Variants in SCML2 observed in about 807,000 individuals in gnomAD.
The protein encoded by SCML2 is sex comb on midleg-like protein 2.
Under a neutral mutation model 48.4 loss-of-function variants are expected in SCML2, and 6 were observed. The observed-to-expected ratio is 0.12, with a 90% CI of 0.07 to 0.24. The LOEUF is 0.24. Ranked by LOEUF, SCML2 falls within the 10% of genes least tolerant of loss-of-function variation. The probability of loss-of-function intolerance (pLI) is 1.00; values close to 1 mark genes in which losing one functional copy is unlikely to be tolerated. For missense variants in SCML2, 377 were observed against 528.2 expected, an observed-to-expected ratio of 0.71 and a Z score of 2.81; for synonymous variants, 181 against 189.5, an observed-to-expected ratio of 0.95 and a Z score of 0.37.
intron 7 of SCML2, among the ~76,000 whole-genome samples, chrX:18,282,952 A>AATT (rs1927918732): frequency 9.0e-6 from 1 of 111,392 alleles, no homozygotes; most frequent in Non-Finnish European, 1.9e-5. Flanking sequence ...CTATGAAGCT[A>AATT]GCATCATTAG....
intron 7 of SCML2, among the ~76,000 whole-genome samples, chrX:18,273,015 A>T (rs927636535): frequency 8.9e-6 from 1 of 111,841 alleles, no homozygotes; most frequent in Middle Eastern, 4.2e-3. Context: ...ATCACCAACA[A>T]CTTCCTAACA....
intron 1 of SCML2, among the ~76,000 whole-genome samples, chrX:18,354,017 C>T (rs1930457456): frequency 8.9e-6 from 1 of 112,458 alleles, no homozygotes; most frequent in Non-Finnish European, 1.9e-5. Context: ...GCATTCCGGT[C>T]CCGCTGCACC....
chrX:18,324,209 G>A, intron 4 of SCML2, 116 bp from the exon 5 acceptor site: 1 of 488,493 alleles, frequency 2.0e-6, no homozygotes. Flanking sequence ...AGTGGATGAT[G>A]AGTGAGGTCA....
At chrX:18,324,225 G>A in intron 4 of SCML2, 132 bp from the exon 5 acceptor site, 1 of 454,757 alleles carries the variant, frequency 2.2e-6, no homozygotes, top group Non-Finnish European at 3.8e-6. Flanking sequence ...GGTCAGAGCT[G>A]TAAGAGTCAA....
intron 8 of SCML2, among the ~76,000 whole-genome samples, chrX:18,264,665 G>A (rs1168396411): frequency 9.0e-6 from 1 of 111,537 alleles, no homozygotes; most frequent in Non-Finnish European, 1.9e-5. Flanking sequence ...ATTAATTTGT[G>A]CAGATTCTAA....
In SCML2 at chrX:18,334,036, C is replaced by T; in HGVS notation, c.22+14G>A. ...TAACTAAAAACATTATTGCCTTTAA[C>T]AAGTAAATCTTACCTTCATTCACTG... On this transcript the variant is annotated intron_variant, in intron 2 of 14. Coordinates refer to ENST00000251900, the MANE Select transcript of SCML2 (RefSeq NM_006089.3). 8.4e-7 allele frequency: 1 copy of T among 1,190,677 alleles called. No homozygotes were observed. Among genetic ancestry groups the T allele is most frequent in the Non-Finnish European group, 1.1e-6 (1 of 882,672 alleles).
chrX:18,306,157 A>C (rs184572356), intron 6 of SCML2, among the ~76,000 whole-genome samples: 80 of 111,900 alleles, frequency 7.1e-4, no homozygotes, highest in African/African-American at 2.3e-3. Context: ...ACACCACCAG[A>C]GCTAATAATT....
At chrX:18,354,827 C>T (rs1225989284), upstream of SCML2, 2 of 133,331 alleles carry the variant, frequency 1.5e-5, no homozygotes, top group African/African-American at 6.3e-5. Flanking sequence ...AAGCCGAGCG[C>T]CACCGCAGGC....
chrX:18,279,949 T>C (rs892787349), intron 7 of SCML2, among the ~76,000 whole-genome samples: 11 of 111,986 alleles, frequency 9.8e-5, no homozygotes, highest in Non-Finnish European at 1.9e-4. Context: ...TATTTGACGA[T>C]ACAGTCCATG....
chrX:18,339,161 G>T (rs1263783419), intron 1 of SCML2, among the ~76,000 whole-genome samples: 1 of 111,124 alleles, frequency 9.0e-6, no homozygotes, highest in African/African-American at 3.3e-5. Flanking sequence ...ACAGACCAAA[G>T]AGTTGTTGCT....
chrX:18,328,505 T>C (rs1196137762), intron 3 of SCML2, among the ~76,000 whole-genome samples: 1 of 110,920 alleles, frequency 9.0e-6, no homozygotes, highest in Non-Finnish European at 1.9e-5. Flanking sequence ...ACCCCGTCTC[T>C]ACAAAAAATT....
chrX:18,323,833 C>T (rs747518758), intron 5 of SCML2, 26 bp downstream of exon 5: 23 of 1,079,534 alleles, frequency 2.1e-5, no homozygotes, highest in Middle Eastern at 5.0e-4. Context: ...AGAAAGAATA[C>T]GCTATTTTTA....
chrX:18,268,612 G>C (rs1427221557), intron 7 of SCML2, among the ~76,000 whole-genome samples: 1 of 108,880 alleles, frequency 9.2e-6, no homozygotes, highest in African/African-American at 3.3e-5. Context: ...CAAATGAAAA[G>C]TTTTCTCGGT....
Position 18,241,135 on chromosome X carries a change from TA to T in SCML2, c.*115del. 1.5e-6 allele frequency: 1 copy of T among 683,621 alleles called. No homozygotes were observed. The highest frequency in any genetic ancestry group is 2.0e-6 in the Non-Finnish European group (1 of 491,757). 56.3% of individuals were successfully genotyped at this position (683,621 alleles called of 1,213,427 possible). ...TGTTACTACAGTTCTGCAATTCTGATAAAATATTTTTATGGGAACTGTCTAC... is the reference window on the plus strand; with the variant it reads ...TGTTACTACAGTTCTGCAATTCTGATAAATATTTTTATGGGAACTGTCTAC... On this transcript the variant is annotated 3_prime_UTR_variant, in exon 15 of 15. Coordinates refer to ENST00000251900, the MANE Select transcript of SCML2 (RefSeq NM_006089.3).
chrX:18,312,812 A>C (rs1928994581), intron 6 of SCML2, among the ~76,000 whole-genome samples: 1 of 111,392 alleles, frequency 9.0e-6, no homozygotes, highest in African/African-American at 3.3e-5. Flanking sequence ...GGATATACAA[A>C]TCTGAGTTGG....
At chrX:18,321,854 C>T (rs1929331759) in intron 5 of SCML2, among the ~76,000 whole-genome samples, 1 of 111,039 alleles carries the variant, frequency 9.0e-6, no homozygotes, top group African/African-American at 3.3e-5. Flanking sequence ...GATTAAGGTA[C>T]ATATAAAAAC....
intron 2 of SCML2, among the ~76,000 whole-genome samples, chrX:18,331,242 A>G (rs1381565496): frequency 2.3e-5 from 2 of 86,109 alleles, no homozygotes; most frequent in Non-Finnish European, 4.4e-5. Flanking sequence ...CCTGGGTGAC[A>G]GAGCGAGACT....
chrX:18,276,299 G>GAAAA (rs369588545), intron 7 of SCML2, among the ~76,000 whole-genome samples: 2 of 58,394 alleles, frequency 3.4e-5, no homozygotes, highest in Non-Finnish European at 6.8e-5. Context: ...GTCTCAAGAA[G>GAAAA]AAAAAAAAAA....
intron 1 of SCML2, among the ~76,000 whole-genome samples, chrX:18,346,499 A>C (rs1371056310): frequency 1.8e-5 from 2 of 112,521 alleles, no homozygotes; most frequent in Non-Finnish European, 3.8e-5. Context: ...TTTCAAGGAT[A>C]AGAGAGATTC....
Sources: gnomAD v4.1 joint callset for allele counts (sites outside exome capture counted in the v4.1 genomes callset) on GRCh38, gnomAD v4.1.1 for gene constraint, MANE v1.5 for transcripts, NCBI Gene and HGNC (gene_info 2026-07-23, HGNC 2026-07-21) for gene names.